The following BRD4 variants were observed in gnomAD, a reference collection of about 807,000 sequenced individuals.
The protein encoded by BRD4 is bromodomain-containing protein 4.
Under a neutral mutation model 142.1 loss-of-function variants are expected in BRD4, and 16 were observed. That is an observed-to-expected ratio of 0.11 (90% CI 0.08 to 0.17). The LOEUF (loss-of-function observed/expected upper bound fraction) is 0.17. BRD4 is among the 10% of genes least tolerant of loss of function. The probability of loss-of-function intolerance (pLI) is 1.00; values close to 1 mark genes in which losing one functional copy is unlikely to be tolerated. For missense variants in BRD4, 1,424 were observed against 1,810.9 expected (o/e 0.79, Z 3.88); for synonymous variants, 833 against 707.5 (o/e 1.18, Z -2.82).
chr19:15,304,181 C>T (rs995710663), intron 1 of BRD4, among the ~76,000 whole-genome samples: 1 of 152,180 alleles, frequency 6.6e-6, no homozygotes, highest in East Asian at 1.9e-4. Context: ...AGAAGGCATA[C>T]GGTGGTGACA....
chr19:15,271,361 T>C (rs1407609376), intron 2 of BRD4, among the ~76,000 whole-genome samples: 1 of 152,212 alleles, frequency 6.6e-6, no homozygotes, highest in South Asian at 2.1e-4. Context: ...TCTACTTCTG[T>C]GTCACGTCTT....
chr19:15,263,983 A>G lies in BRD4; in HGVS notation c.1212+421T>C, dbSNP rs560845293. The G allele has an allele frequency of 1.7e-5, 4 of 229,274 alleles. No homozygotes were observed. In the South Asian group the frequency reaches 3.1e-4, roughly 18 times the overall value. 14.2% of individuals were successfully genotyped at this position (229,274 alleles called of 1,614,324 possible). The stretch of plus-strand genomic sequence containing the variant: ...CTTAAAACTAAAAAAGCCTCAAAAC[A>G]CTATGGTGAAAATGTCGGCACTTAC... On this transcript the variant is annotated intron_variant, in intron 6 of 19. Coordinates refer to ENST00000679869, the MANE Select transcript of BRD4 (RefSeq NM_001379291.1).
Position 15,243,052 on chromosome 19 carries a change from G to A in BRD4, c.3017C>T (p.Thr1006Ile). Residue 1006 changes from threonine to isoleucine, a missense_variant, in exon 14 of 20, where the codon ACC becomes ATC. Transcript: ENST00000679869. ...GGGTGGCGGGGGCTGTTGGATGTGG[G>A]TGGAAAACTGCATGGGCTGCAAGTG... ...PVHLQPMQFS[T>I]HIQQPPPPQG... 2 of 1,536,524 alleles carry A rather than the reference G, an allele frequency of 1.3e-6. No individual in the cohort carries two copies. The highest frequency in any genetic ancestry group is 1.2e-5 in the South Asian group (1 of 82,946).
rs1364180348 is a variant in BRD4 at position 15,244,731 on chromosome 19, G to A, written c.2190C>T (p.His730=). 7 of 1,614,144 alleles carry A rather than the reference G, an allele frequency of 4.3e-6. No individual in the cohort carries two copies. The highest frequency in any genetic ancestry group is 4.0e-5 in the African/African-American group (3 of 75,028). The change falls in exon 12 of 20, where the codon CAC becomes CAT. Residue 730 remains histidine (H), a synonymous_variant. Coordinates refer to ENST00000679869, the MANE Select transcript of BRD4 (RefSeq NM_001379291.1). ...GTACCTTCTTCTGCTCCCTCCCGGG[G>A]TGCCCCTTCTTTTTTGACTTCGGAG... The part of the protein sequence containing the change: ...EMAPKSKKKG[H]PGREQKKHHH...
chr19:15,241,695 AT>A (rs2047239044), intron 14 of BRD4, among the ~76,000 whole-genome samples: 1 of 151,988 alleles, frequency 6.6e-6, no homozygotes, highest in Non-Finnish European at 1.5e-5. Flanking sequence ...CCTGCTTCGC[AT>A]GAGAACAGGC....
intron 1 of BRD4, among the ~76,000 whole-genome samples, chr19:15,294,409 C>T (rs1185842461): frequency 6.6e-6 from 1 of 152,266 alleles, no homozygotes; most frequent in Non-Finnish European, 1.5e-5. Context: ...TTTGCTTCCT[C>T]TCCACTCCAA....
intron 1 of BRD4, among the ~76,000 whole-genome samples, chr19:15,325,356 C>T (rs1422020174): frequency 6.6e-6 from 1 of 152,138 alleles, no homozygotes; most frequent in Admixed American, 6.6e-5. Context: ...AGAGGCTGCC[C>T]AAGCCCTCCA....
At chr19:15,331,453 T>C (rs1054905893) in intron 1 of BRD4, among the ~76,000 whole-genome samples, 2 of 152,152 alleles carry the variant, frequency 1.3e-5, no homozygotes, top group African/African-American at 4.8e-5. Context: ...AAATAGGCCG[T>C]TGCAAGGACG....
At position 15,265,659 on chromosome 19, in the gene BRD4, A is replaced by C. The variant is rs756242634; in HGVS notation, c.560-16T>G. On this transcript the variant is annotated splice_polypyrimidine_tract_variant and intron_variant, in intron 4 of 19. Coordinates refer to ENST00000679869, the MANE Select transcript of BRD4 (RefSeq NM_001379291.1). The stretch of plus-strand genomic sequence containing the variant: ...TTTGCTGTCCCTACAAATCATAATA[A>C]GACGGCGAGTTAGAGACCATGCTGA... The C allele has an allele frequency of 4.3e-6, 7 of 1,613,898 alleles. No homozygotes were observed. The South Asian group carries it at 4.4e-5, about 10-fold the overall frequency.
Position 15,239,147 on chromosome 19 carries a change from G to A in BRD4, c.3694C>T (p.Arg1232Trp). ...DSFEQFRRAA[R>W]EKEEREKALK... ...GCCTTCTCACGCTCCTCTTTCTCCC[G>A]AGCGGCGCGGCGGAACTGCTCGAAG... The change falls in exon 18 of 20, where the codon CGG (arginine) becomes TGG (tryptophan). Residue 1232 changes from arginine to tryptophan, a missense_variant. Arg to Trp is a moderately radical substitution (Grantham distance 101). Around this residue, in one of 16 missense-constraint regions of BRD4, gnomAD observed 49 missense variants for 97.3 expected, o/e 0.50. Transcript: ENST00000679869. This position sits in a 1 kb window ranked among gnomAD's most constrained non-coding sequence, Gnocchi z 7.4. The A allele has an allele frequency of 1.2e-6, 2 of 1,612,090 alleles. No individual in the cohort carries two copies. Among genetic ancestry groups the A allele is most frequent in the Non-Finnish European group, 1.7e-6 (2 of 1,179,878 alleles).
rs2047606919 is a variant in BRD4, at chr19:15,273,057, G to A, written c.43C>T (p.Pro15Ser). 1 of 1,610,486 alleles carries A rather than the reference G, an allele frequency of 6.2e-7. No homozygotes were observed. Among genetic ancestry groups the A allele is most frequent in the South Asian group, 1.1e-5 (1 of 90,922 alleles). ...GTTTCTAGTCCATCCCCCATTACTG[G>A]CAGATTTCTCAATCTCGTCCCAGGG... ...SGPGTRLRNL[P>S]VMGDGLETSQ... is the part of the protein sequence containing the mutation. Residue 15 changes from proline to serine, a missense_variant, in exon 2 of 20, where the codon CCA becomes TCA. Physicochemically the swap from Pro to Ser is moderately conservative, Grantham distance 74. Transcript: ENST00000679869.
intron 11 of BRD4, chr19:15,253,344 A>C: frequency 1.7e-6 from 1 of 592,122 alleles, no homozygotes; most frequent in Non-Finnish European, 3.0e-6. Context: ...GAAAGTGCAC[A>C]CTTGGAGGAG....
chr19:15,302,533 G>A (rs1423585472), intron 1 of BRD4, among the ~76,000 whole-genome samples: 4 of 152,076 alleles, frequency 2.6e-5, no homozygotes, highest in East Asian at 3.9e-4. Flanking sequence ...GCCAGGCATC[G>A]TGGCACATGC....
At chr19:15,322,544 C>T (rs1432865718) in intron 1 of BRD4, among the ~76,000 whole-genome samples, 2 of 139,786 alleles carry the variant, frequency 1.4e-5, no homozygotes, top group Non-Finnish European at 1.5e-5. Flanking sequence ...CCCGTCTCTA[C>T]TAAAACATAC....
intron 1 of BRD4, among the ~76,000 whole-genome samples, chr19:15,331,304 T>C (rs1020433765): frequency 6.6e-6 from 1 of 152,120 alleles, no homozygotes; most frequent in African/African-American, 2.4e-5. Flanking sequence ...AACCCAAGCC[T>C]TGGGGGCATC....
chr19:15,256,073 C>T lies in BRD4; in HGVS notation c.1742G>A (p.Ser581Asn), dbSNP rs754261510. The T allele has an allele frequency of 9.3e-6, 15 of 1,611,412 alleles. No individual in the cohort carries two copies. The highest frequency in any genetic ancestry group is 2.2e-4 in the Middle Eastern group (1 of 4,452). ...TTCAGGGGACACAGACCTCACATTG[C>T]TGTTGCTGCTATTATTTTTCTTCGT... ...KKTKKNNSSN[S>N]NVSKKEPAPM... The change falls in exon 9 of 20, where the codon AGC becomes AAC. Residue 581 changes from serine to asparagine, a missense_variant. Physicochemically the swap from Ser to Asn is conservative, Grantham distance 46. Coordinates refer to ENST00000679869, the MANE Select transcript of BRD4 (RefSeq NM_001379291.1).
At chr19:15,257,606 CAG>C (rs199510864) in intron 7 of BRD4, among the ~76,000 whole-genome samples, 2 of 152,074 alleles carry the variant, frequency 1.3e-5, no homozygotes, top group East Asian at 3.9e-4. Flanking sequence ...GCATTCCAGG[CAG>C]AGGACACAGC....
chr19:15,313,817 G>C (rs2145717136), intron 1 of BRD4, among the ~76,000 whole-genome samples: 1 of 152,326 alleles, frequency 6.6e-6, no homozygotes, highest in Non-Finnish European at 1.5e-5. Context: ...CTAATGGGCA[G>C]GCAGGAGGGT....
intron 8 of BRD4, 91 bp from the exon 9 acceptor site, chr19:15,256,354 C>T (rs2047408720): frequency 2.7e-6 from 4 of 1,478,080 alleles, no homozygotes; most frequent in East Asian, 2.3e-5. Flanking sequence ...AAACATGCGA[C>T]AGCATGCACC....
Sources: gnomAD v4.1 joint callset for allele counts (sites outside exome capture counted in the v4.1 genomes callset) on GRCh38, gnomAD v4.1.1 for gene constraint, gnomAD v4.1.1 regional missense constraint, Gnocchi (gnomAD v3.1) non-coding constraint, MANE v1.5 for transcripts, NCBI Gene and HGNC (gene_info 2026-07-23, HGNC 2026-07-21) for gene names.